The following CRHR1 variants were observed in gnomAD, a reference collection of about 807,000 sequenced individuals.
The protein encoded by CRHR1 is corticotropin releasing hormone receptor 1, also known as corticotropin-releasing hormone receptor 1.
In CRHR1, 28 loss-of-function variants were observed where a neutral mutation model predicts 56.0. The ratio of observed to expected loss-of-function variants is 0.50; its 90% CI spans 0.37 to 0.69. The LOEUF is 0.69. CRHR1 is among the 30% of genes least tolerant of loss of function. The pLI is 0.00. For missense variants in CRHR1, 376 were observed against 548.0 expected (o/e 0.69, Z 3.13); for synonymous variants, 195 against 216.5 (o/e 0.90, Z 0.87).
intron 2 of CRHR1, among the ~76,000 whole-genome samples, chr17:45,811,164 C>A (rs911140045): frequency 6.6e-6 from 1 of 152,256 alleles, no homozygotes; most frequent in Non-Finnish European, 1.5e-5. Context: ...ATCTGCCAAG[C>A]ACACGTGGAC....
chr17:45,806,599 G>A (rs956914498), intron 1 of CRHR1, among the ~76,000 whole-genome samples: 8 of 152,218 alleles, frequency 5.3e-5, no homozygotes, highest in African/African-American at 1.9e-4. Flanking sequence ...GGTGGTCAGC[G>A]GGCCGGTGGG....
chr17:45,812,971 A>G (rs2061851492), intron 2 of CRHR1, among the ~76,000 whole-genome samples: 1 of 152,148 alleles, frequency 6.6e-6, no homozygotes. Context: ...TTCCCTTCTG[A>G]GGCCTTGTCC....
intron 4 of CRHR1, chr17:45,825,571 T>G (rs749593796): frequency 9.1e-5 from 14 of 154,674 alleles, no homozygotes; most frequent in Non-Finnish European, 1.9e-4. Flanking sequence ...TGGACCAAGG[T>G]TCACTGCTCA....
intron 1 of CRHR1, among the ~76,000 whole-genome samples, chr17:45,798,623 T>C (rs2061564772): frequency 6.6e-6 from 1 of 151,160 alleles, no homozygotes; most frequent in Non-Finnish European, 1.5e-5. Flanking sequence ...GAGGGGCGTG[T>C]GTGACTCTGG....
intron 2 of CRHR1, among the ~76,000 whole-genome samples, chr17:45,814,813 A>G (rs1404714148): frequency 6.6e-6 from 1 of 152,054 alleles, no homozygotes; most frequent in East Asian, 1.9e-4. Flanking sequence ...GGCTTGGCCC[A>G]CTCCAGCCGC....
intron 1 of CRHR1, among the ~76,000 whole-genome samples, chr17:45,803,821 G>A (rs1379269392): frequency 6.6e-6 from 1 of 152,152 alleles, no homozygotes; most frequent in East Asian, 1.9e-4. Flanking sequence ...GGGAGGTGGC[G>A]TGGGCAGATG....
At chr17:45,785,535 C>G (rs2061321139) in intron 1 of CRHR1, among the ~76,000 whole-genome samples, 1 of 152,226 alleles carries the variant, frequency 6.6e-6, no homozygotes, top group Non-Finnish European at 1.5e-5. Flanking sequence ...CATCGCCTCA[C>G]CCGGGGCTCG....
At chr17:45,813,609 C>G (rs1487469183) in intron 2 of CRHR1, among the ~76,000 whole-genome samples, 1 of 152,166 alleles carries the variant, frequency 6.6e-6, no homozygotes, top group Non-Finnish European at 1.5e-5. Flanking sequence ...CGCAGCTCTG[C>G]GATCGAGGGG....
chr17:45,809,577 C>T (rs1037222905), intron 2 of CRHR1, among the ~76,000 whole-genome samples: 17 of 152,270 alleles, frequency 1.1e-4, no homozygotes, highest in South Asian at 2.1e-4. Context: ...CTGCATGGCA[C>T]GCGATCCATC....
Position 45,829,300 on chromosome 17 carries a change from T to G in CRHR1, c.413T>G (p.Phe138Cys), listed in dbSNP as rs2143219495. Residue 138 changes from phenylalanine to cysteine, a missense_variant, in exon 5 of 13, where the codon TTT (phenylalanine) becomes TGT (cysteine). This residue lies in a region of CRHR1 where 369 missense variants were observed against 519.5 expected (regional missense o/e 0.71). Transcript: ENST00000314537. ...TCCCTGGTGGCCCTCCTGGTGGCCT[T>G]TGTCCTCTTTCTGCGGCTCAGGTGA... is the stretch of plus-strand genomic sequence containing the variant. ...CISLVALLVA[F>C]VLFLRLRSIR... 1.2e-6 allele frequency: 2 copies of G among 1,613,962 alleles called. No individual in the cohort carries two copies. The highest frequency in any genetic ancestry group is 3.3e-4 in the Middle Eastern group (2 of 6,060).
chr17:45,784,579 T>G lies in CRHR1; in HGVS notation c.33+2T>G. ...CACCCGCAGCTCCGTCTCGTCAAGG[T>G]AACAGCCCGCCGGCCATCCCTCGAG... is the stretch of plus-strand genomic sequence containing the variant. On this transcript the variant is annotated splice_donor_variant, in intron 1 of 12. Transcript: ENST00000314537. LOFTEE classifies it high-confidence loss of function. The surrounding 1 kb of genome is among the most constrained non-coding windows in gnomAD (Gnocchi z 4.2). 24 of 1,549,608 alleles carry G rather than the reference T, an allele frequency of 1.5e-5. No homozygotes were observed. Among genetic ancestry groups the G allele is most frequent in the Non-Finnish European group, 2.0e-5 (23 of 1,147,844 alleles).
chr17:45,819,832 G>A (rs1283492060), intron 3 of CRHR1, among the ~76,000 whole-genome samples: 1 of 152,214 alleles, frequency 6.6e-6, no homozygotes, highest in Non-Finnish European at 1.5e-5. Context: ...ATGGAGGGGA[G>A]TAGTGCGAGA....
intron 2 of CRHR1, among the ~76,000 whole-genome samples, chr17:45,811,019 C>A (rs1337931651): frequency 6.6e-6 from 1 of 152,242 alleles, no homozygotes; most frequent in Admixed American, 6.5e-5. Context: ...TGGGTTTAAG[C>A]CAAATAGGGG....
intron 1 of CRHR1, among the ~76,000 whole-genome samples, chr17:45,789,087 A>G (rs551471355): frequency 2.5e-4 from 38 of 152,346 alleles, no homozygotes; most frequent in Non-Finnish European, 5.1e-4. Context: ...AGCCTCAGCC[A>G]GTGAAACTCC....
intron 2 of CRHR1, among the ~76,000 whole-genome samples, chr17:45,808,325 C>A (rs1410038080): frequency 6.6e-6 from 1 of 152,184 alleles, no homozygotes; most frequent in Non-Finnish European, 1.5e-5. Flanking sequence ...TGCTTCCTGG[C>A]CAGCTGTTCC....
At chr17:45,830,962 C>T (rs1173368419) in intron 8 of CRHR1, 22 bp downstream of exon 8, 1 of 1,612,936 alleles carries the variant, frequency 6.2e-7, no homozygotes, top group Non-Finnish European at 8.5e-7. Flanking sequence ...CCTTTCCCTT[C>T]CTGACCCCAA....
chr17:45,812,306 C>T (rs2146322756), intron 2 of CRHR1, among the ~76,000 whole-genome samples: 1 of 152,330 alleles, frequency 6.6e-6, no homozygotes, highest in Middle Eastern at 3.4e-3. Flanking sequence ...AGTCACTATT[C>T]CTTAATTTAC....
chr17:45,826,861 C>T (rs530315011), intron 4 of CRHR1: 1 of 152,386 alleles, frequency 6.6e-6, no homozygotes, highest in East Asian at 1.9e-4. Flanking sequence ...GCCTGTGATC[C>T]CAGCTACTCG....
chr17:45,833,088 C>G (rs1353572042), intron 8 of CRHR1, 50 bp from the exon 9 acceptor site: 1 of 1,507,546 alleles, frequency 6.6e-7, no homozygotes, highest in African/African-American at 1.4e-5. Flanking sequence ...CCCATGCCAT[C>G]GAGGTGGACG....
Sources: gnomAD v4.1 joint callset for allele counts (sites outside exome capture counted in the v4.1 genomes callset) on GRCh38, gnomAD v4.1.1 for gene constraint, gnomAD v4.1.1 regional missense constraint, Gnocchi (gnomAD v3.1) non-coding constraint, MANE v1.5 for transcripts, NCBI Gene and HGNC (gene_info 2026-07-23, HGNC 2026-07-21) for gene names.